Variants in MYO3B observed in about 807,000 individuals in gnomAD.
MYO3B encodes the protein myosin IIIB, also known as myosin-IIIb.
In MYO3B, 156 loss-of-function variants were observed where a neutral mutation model predicts 174.6. The observed-to-expected ratio is 0.89, with a 90% CI of 0.78 to 1.02. The LOEUF (loss-of-function observed/expected upper bound fraction) is 1.02. MYO3B is among the 50% of genes least tolerant of loss of function. The pLI, the probability that MYO3B is intolerant of heterozygous loss-of-function variation, is 0.00. For missense variants in MYO3B, 1,632 were observed against 1,639.4 expected (o/e 1.00, Z 0.08); for synonymous variants, 563 against 569.1 (o/e 0.99, Z 0.15).
intron 25 of MYO3B, among the ~76,000 whole-genome samples, chr2:170,489,246 C>G (rs541609456): frequency 3.0e-4 from 46 of 152,276 alleles, no homozygotes; most frequent in African/African-American, 1.1e-3. Flanking sequence ...TTAAGTTCCC[C>G]CTCAGGATCT....
rs545490622 is a variant in MYO3B at position 170,206,037 on chromosome 2, C to A, written c.321+5753C>A. On this transcript the variant is annotated intron_variant, in intron 3 of 34. Transcript: ENST00000408978. The surrounding 1 kb of genome is among the most constrained non-coding windows in gnomAD (Gnocchi z 4.3). ...CCTGTCATTCCCTGTCATTGGCCTT[C>A]CTCCTCCATCTCCCTGCCCCAGGAT... 2.6e-5 allele frequency among the ~76,000 whole-genome samples: 4 copies of A among 152,252 alleles called. No homozygotes were observed. The South Asian group carries it at 8.3e-4, about 32-fold the overall frequency.
intron 24 of MYO3B, among the ~76,000 whole-genome samples, chr2:170,465,583 C>T (rs1684572965): frequency 6.6e-6 from 1 of 152,114 alleles, no homozygotes; most frequent in South Asian, 2.1e-4. Flanking sequence ...TATGTGTTTC[C>T]CACTGGATTT....
At chr2:170,484,009 A>C (rs539091622) in intron 25 of MYO3B, among the ~76,000 whole-genome samples, 20 of 152,268 alleles carry the variant, frequency 1.3e-4, no homozygotes, top group Non-Finnish European at 2.9e-4. Flanking sequence ...ATATCTGCCT[A>C]CCCCTGAGCA....
intron 1 of MYO3B, among the ~76,000 whole-genome samples, chr2:170,198,142 T>C (rs974784671): frequency 1.4e-5 from 2 of 147,080 alleles, no homozygotes; most frequent in South Asian, 2.2e-4. Context: ...CCTTCTTCAC[T>C]AAACACATCA....
chr2:170,399,929 G>C (rs2094464365), intron 16 of MYO3B, among the ~76,000 whole-genome samples: 1 of 152,206 alleles, frequency 6.6e-6, no homozygotes, highest in Non-Finnish European at 1.5e-5. Context: ...ATAATGAGAA[G>C]GAAAGTGTGG....
intron 6 of MYO3B, among the ~76,000 whole-genome samples, chr2:170,228,960 C>CAAAA (rs539746576): frequency 1.6e-3 from 153 of 98,052 alleles, no homozygotes; most frequent in African/African-American, 3.8e-3. Flanking sequence ...ATTCCCTTTA[C>CAAAA]AAAAAAAAAA....
intron 25 of MYO3B, among the ~76,000 whole-genome samples, chr2:170,469,118 G>A (rs1034478269): frequency 6.6e-6 from 1 of 152,038 alleles, no homozygotes; most frequent in Admixed American, 6.5e-5. Context: ...CCAGGGCGAC[G>A]GAGTGAGACT....
intron 32 of MYO3B, among the ~76,000 whole-genome samples, chr2:170,617,120 G>A (rs527979808): frequency 3.4e-4 from 51 of 152,124 alleles, no homozygotes; most frequent in Non-Finnish European, 6.6e-4. Flanking sequence ...AAAATGAACA[G>A]TTTGAATAGA....
At chr2:170,376,290 T>A (rs889923567) in intron 9 of MYO3B, among the ~76,000 whole-genome samples, 9 of 152,268 alleles carry the variant, frequency 5.9e-5, no homozygotes, top group Non-Finnish European at 1.5e-5. Flanking sequence ...GGTCTGCTAT[T>A]GTTTTTCTCG....
intron 22 of MYO3B, among the ~76,000 whole-genome samples, chr2:170,439,406 T>C (rs2094782695): frequency 6.6e-6 from 1 of 152,008 alleles, no homozygotes; most frequent in African/African-American, 2.4e-5. Flanking sequence ...TTTTTGTTAT[T>C]TGGCTTTTTT....
intron 9 of MYO3B, among the ~76,000 whole-genome samples, 156 bp downstream of exon 9, chr2:170,369,533 T>C (rs562940720): frequency 6.6e-6 from 1 of 152,340 alleles, no homozygotes; most frequent in East Asian, 1.9e-4. Context: ...GCCCAGTGGA[T>C]GAGAGCAGGA....
At chr2:170,630,366 G>A (rs902759062) in intron 32 of MYO3B, among the ~76,000 whole-genome samples, 3 of 152,198 alleles carry the variant, frequency 2.0e-5, no homozygotes, top group African/African-American at 4.8e-5. Flanking sequence ...CACCATTGCT[G>A]AGGCTTGAGT....
At chr2:170,235,675 T>C (rs1012778429) in intron 6 of MYO3B, among the ~76,000 whole-genome samples, 1 of 152,212 alleles carries the variant, frequency 6.6e-6, no homozygotes. Context: ...AGACAAAGCC[T>C]TTCCTTAAAG....
At chr2:170,492,498 T>C (rs1382595027) in intron 25 of MYO3B, among the ~76,000 whole-genome samples, 1 of 152,258 alleles carries the variant, frequency 6.6e-6, no homozygotes, top group Non-Finnish European at 1.5e-5. Context: ...AGAGGTCAGA[T>C]ACTAGTTCTT....
At chr2:170,484,248 G>A (rs1383821955) in intron 25 of MYO3B, among the ~76,000 whole-genome samples, 1 of 152,160 alleles carries the variant, frequency 6.6e-6, no homozygotes, top group Non-Finnish European at 1.5e-5. Flanking sequence ...TTACAAATGA[G>A]GAAACTAGCT....
At chr2:170,231,656 G>A (rs1441629711) in intron 6 of MYO3B, among the ~76,000 whole-genome samples, 4 of 152,184 alleles carry the variant, frequency 2.6e-5, no homozygotes, top group Non-Finnish European at 2.9e-5. Flanking sequence ...CTTAACAGAG[G>A]CATTATTACA....
At chr2:170,435,007 T>G (rs2094741364) in intron 22 of MYO3B, among the ~76,000 whole-genome samples, 1 of 152,240 alleles carries the variant, frequency 6.6e-6, no homozygotes, top group African/African-American at 2.4e-5. Context: ...GTACTGAATT[T>G]AACTCCTTGC....
chr2:170,210,931 C>A (rs1559301837), intron 3 of MYO3B, among the ~76,000 whole-genome samples: 3 of 152,314 alleles, frequency 2.0e-5, no homozygotes, highest in South Asian at 2.1e-4. Context: ...AGAAAACCAG[C>A]AGCCATAAGA....
intron 32 of MYO3B, among the ~76,000 whole-genome samples, chr2:170,613,147 T>C (rs1364291998): frequency 2.0e-5 from 3 of 152,188 alleles, no homozygotes; most frequent in African/African-American, 7.2e-5. Flanking sequence ...CTATTCTGTG[T>C]ACCAACACTA....
Sources: allele counts gnomAD v4.1 joint callset (sites outside exome capture counted in the v4.1 genomes callset), GRCh38; gene constraint gnomAD v4.1.1; non-coding constraint Gnocchi (gnomAD v3.1); transcripts MANE v1.5; gene names NCBI Gene and HGNC (gene_info 2026-07-23, HGNC 2026-07-21).